The following TMEM219 variants were observed in gnomAD, a reference collection of about 807,000 sequenced individuals.
The protein encoded by TMEM219 is insulin-like growth factor-binding protein 3 receptor.
TMEM219 carries 18 observed loss-of-function variants against 17.9 expected under a neutral mutation model. That is an observed-to-expected ratio of 1.01 (90% CI 0.70 to 1.49). The LOEUF (loss-of-function observed/expected upper bound fraction) is 1.49, where lower values mean the gene tolerates loss of function less well. TMEM219 is among the 40% of genes most tolerant of loss of function. TMEM219 has a pLI of 0.00. For synonymous variants in TMEM219, 113 were observed against 124.0 expected (o/e 0.91, Z 0.59); for missense variants, 288 against 292.4 (o/e 0.99, Z 0.11).
At chr16:29,964,923 A>C (rs7200462) in intron 3 of TMEM219, among the ~76,000 whole-genome samples, 11 of 152,294 alleles carry the variant, frequency 7.2e-5, no homozygotes, top group African/African-American at 2.6e-4. Context: ...AGGTAGGATG[A>C]AATGGGCTAG....
chr16:29,971,719 C>T (rs753006595), intron 5 of TMEM219, 141 bp downstream of exon 5: 34 of 684,340 alleles, frequency 5.0e-5, no homozygotes, highest in South Asian at 9.5e-5. Context: ...CCACAGCTCT[C>T]CCTTAGGGAC....
Position 29,963,313 on chromosome 16 carries a change from GT to G in TMEM219, c.165+7del. On this transcript the variant is annotated splice_donor_region_variant and intron_variant, in intron 2 of 5. Coordinates refer to ENST00000279396, the MANE Select transcript of TMEM219 (RefSeq NM_001083613.2). ...CGCAGCCCTGACATCCCCCAGGTAA[GT>G]TCCCCACCCCCGTACCCGCTCTTCC... 1 of 1,614,032 alleles carries G rather than the reference GT, an allele frequency of 6.2e-7. No homozygotes were observed. Among genetic ancestry groups the G allele is most frequent in the Non-Finnish European group, 8.5e-7 (1 of 1,179,990 alleles).
rs757139503 is a variant in TMEM219, at chr16:29,963,490, G to A, written c.256G>A (p.Val86Met). The change falls in exon 3 of 6, where the codon GTG becomes ATG. Residue 86 changes from valine (V) to methionine (M), a missense_variant. Transcript: ENST00000279396. ...VTGKWRGSHV[V>M]GLLTTLNFGD... ...AGGGAAGTGGCGAGGGTCTCACGTCGTGGGCTTGCTGACCACCTTGAACTT... is the reference window on the plus strand; with the variant it reads ...AGGGAAGTGGCGAGGGTCTCACGTCATGGGCTTGCTGACCACCTTGAACTT... The A allele has an allele frequency of 2.1e-5, 34 of 1,614,064 alleles. No homozygotes were observed. The Admixed American group carries it at 2.3e-4, about 11-fold the overall frequency.
chr16:29,967,031 T>C (rs111485792), intron 3 of TMEM219, among the ~76,000 whole-genome samples: 8 of 152,296 alleles, frequency 5.3e-5, no homozygotes, highest in African/African-American at 1.9e-4. Flanking sequence ...TGAGAACCTT[T>C]TAATGGATTT....
At chr16:29,967,952 AAAG>A (rs1424752245) in intron 3 of TMEM219, 70 bp from the exon 4 acceptor site, 34 of 1,181,258 alleles carry the variant, frequency 2.9e-5, no homozygotes, top group Non-Finnish European at 3.9e-5. Context: ...AAATACAAGA[AAAG>A]AAGCGTGAAG....
intron 3 of TMEM219, among the ~76,000 whole-genome samples, chr16:29,964,543 C>T (rs1387854646): frequency 8.6e-5 from 13 of 150,800 alleles, no homozygotes; most frequent in Admixed American, 8.6e-4. Flanking sequence ...TGCCTGTAGT[C>T]CCAGCTACTT....
rs9932702 is a variant in TMEM219 at position 29,971,640 on chromosome 16, C to T, written c.*33+62C>T. 361,765 of 1,020,046 alleles carry T rather than the reference C, an allele frequency of 0.35. 89,836 individuals are homozygous for T. The highest frequency in any genetic ancestry group is 0.48 in the South Asian group (34,747 of 71,986). 63.2% of individuals were successfully genotyped at this position (1,020,046 alleles called of 1,614,324 possible). A position where few individuals can be genotyped will look rare whatever the true frequency, so the allele number is the denominator to read the frequency against. On this transcript the variant is annotated intron_variant, in intron 5 of 5. Transcript: ENST00000279396. ...ATGGGGTGGGGGTGGGGGTTGTAACCGGGGTAGAGCAGATCCTTGGACTTT... is the reference window on the plus strand; with the variant it reads ...ATGGGGTGGGGGTGGGGGTTGTAACTGGGGTAGAGCAGATCCTTGGACTTT...
chr16:29,966,148 C>T (rs2069210073), intron 3 of TMEM219, among the ~76,000 whole-genome samples: 1 of 152,208 alleles, frequency 6.6e-6, no homozygotes, highest in South Asian at 2.1e-4. Context: ...GGATTACAGG[C>T]ATGAGCTACC....
chr16:29,966,691 C>G (rs1004133483), intron 3 of TMEM219, among the ~76,000 whole-genome samples: 3 of 152,098 alleles, frequency 2.0e-5, no homozygotes, highest in African/African-American at 7.2e-5. Context: ...TCGTGGGCAC[C>G]TGTAATCCCA....
intron 5 of TMEM219, 152 bp downstream of exon 5, chr16:29,971,730 T>G: frequency 1.6e-6 from 1 of 608,204 alleles, no homozygotes; most frequent in Non-Finnish European, 2.7e-6. Context: ...CCTTAGGGAC[T>G]GGGAACAATT....
chr16:29,966,854 C>T (rs915133348), intron 3 of TMEM219, among the ~76,000 whole-genome samples: 5 of 151,626 alleles, frequency 3.3e-5, no homozygotes, highest in African/African-American at 1.2e-4. Flanking sequence ...ATAAAATATT[C>T]TGTATTTTCT....
intron 4 of TMEM219, among the ~76,000 whole-genome samples, chr16:29,971,200 C>A (rs1457272283): frequency 6.6e-6 from 1 of 150,710 alleles, no homozygotes; most frequent in East Asian, 1.9e-4. Flanking sequence ...GAGCTGAGAT[C>A]GCGCCACTGC....
intron 1 of TMEM219, 181 bp from the exon 2 acceptor site, chr16:29,962,926 T>G: frequency 3.3e-6 from 2 of 614,758 alleles, no homozygotes; most frequent in Non-Finnish European, 5.8e-6. Context: ...AGAAATGAAA[T>G]GCAGCAAATA....
chr16:29,972,065 T>C (rs1055226278), intron 5 of TMEM219: 2 of 153,110 alleles, frequency 1.3e-5, no homozygotes, highest in African/African-American at 4.8e-5. Flanking sequence ...CATTCTTTTG[T>C]GGCTGACTTC....
rs948299776 is a variant in TMEM219, at chr16:29,962,100, C to G, written c.-70C>G. The G allele has an allele frequency of 6.6e-6, 1 of 151,586 alleles. No individual in the cohort carries two copies. Among genetic ancestry groups the G allele is most frequent in the Admixed American group, 6.6e-5 (1 of 15,218 alleles). 9.4% of individuals were successfully genotyped at this position (151,586 alleles called of 1,614,324 possible). The stretch of plus-strand genomic sequence containing the variant: ...CCTCGCGGCCCCGCTCGTGACGTCG[C>G]GGGGGGCGCCGGCCTCCGCCCGGCC... On this transcript the variant is annotated 5_prime_UTR_variant, in exon 1 of 6. Coordinates refer to ENST00000279396, the MANE Select transcript of TMEM219 (RefSeq NM_001083613.2).
At position 29,967,990 on chromosome 16, in the gene TMEM219, A is replaced by G. The variant is rs776581745; in HGVS notation, c.356-35A>G. The G allele has an allele frequency of 2.0e-6, 3 of 1,538,010 alleles. No homozygotes were observed. In the South Asian group the frequency reaches 3.4e-5, roughly 17 times the overall value. On this transcript the variant is annotated intron_variant, in intron 3 of 5. Coordinates refer to ENST00000279396, the MANE Select transcript of TMEM219 (RefSeq NM_001083613.2). Reference sequence around the variant, plus strand: ...GACAGAGGCTCCCGCGTCACCTCTCATTTTCTTCCATTTTCTCTTCTGTGC... The same window carrying G: ...GACAGAGGCTCCCGCGTCACCTCTCGTTTTCTTCCATTTTCTCTTCTGTGC...
chr16:29,963,077 C>A (rs1279885202), intron 1 of TMEM219, 30 bp from the exon 2 acceptor site: 6 of 1,569,466 alleles, frequency 3.8e-6, no homozygotes, highest in Non-Finnish European at 5.2e-6. Flanking sequence ...AAGCGGTGCT[C>A]TTGTCCCATT....
intron 1 of TMEM219, chr16:29,962,804 C>T (rs761843833): frequency 3.6e-6 from 1 of 274,498 alleles, no homozygotes; most frequent in Non-Finnish European, 7.1e-6. Context: ...TATTCCTCAG[C>T]CAAATCCTCG....
chr16:29,966,947 T>C (rs2069220389), intron 3 of TMEM219, among the ~76,000 whole-genome samples: 1 of 152,200 alleles, frequency 6.6e-6, no homozygotes, highest in African/African-American at 2.4e-5. Flanking sequence ...TTTGACGCTA[T>C]GTTTTTTTCT....
Sources: gnomAD v4.1 joint callset for allele counts (sites outside exome capture counted in the v4.1 genomes callset) on GRCh38, gnomAD v4.1.1 for gene constraint, MANE v1.5 for transcripts, NCBI Gene and HGNC (gene_info 2026-07-23, HGNC 2026-07-21) for gene names.